ARB2A: variants seen among roughly 807,000 people sequenced by gnomAD.
ARB2A encodes the protein ARB2 cotranscriptional regulator A.
At chr5:93,756,706 A>C in the ARB2A span, among the ~76,000 whole-genome samples, 225 of 147,510 alleles carry the variant, frequency 1.5e-3, 1 homozygote, top group Middle Eastern at 0.014. Context: ...ACTGTGGGAC[A>C]AAAGAATCTA....
chr5:93,816,360 C>T, the ARB2A span, among the ~76,000 whole-genome samples: 1 of 152,120 alleles, frequency 6.6e-6, no homozygotes, highest in Non-Finnish European at 1.5e-5. Context: ...CAGTAAAATA[C>T]AAAATCTATC....
the ARB2A span, among the ~76,000 whole-genome samples, chr5:93,813,824 T>A: frequency 6.6e-6 from 1 of 152,168 alleles, no homozygotes; most frequent in South Asian, 2.1e-4. Flanking sequence ...AGATAATGAA[T>A]AAATACTTAA....
At chr5:93,947,513 TATTATTA>T in the ARB2A span, among the ~76,000 whole-genome samples, 1 of 150,668 alleles carries the variant, frequency 6.6e-6, no homozygotes. Flanking sequence ...ATCTTCTTTT[TATTATTA>T]TTATTATTAT....
the ARB2A span, among the ~76,000 whole-genome samples, chr5:94,067,514 A>G: frequency 6.6e-6 from 1 of 152,214 alleles, no homozygotes; most frequent in Non-Finnish European, 1.5e-5. Flanking sequence ...TAGAAAAATC[A>G]TTAGTGTTTC....
the ARB2A span, among the ~76,000 whole-genome samples, chr5:93,773,249 G>A: frequency 6.6e-6 from 1 of 152,150 alleles, no homozygotes; most frequent in Admixed American, 6.5e-5. Context: ...TGGAAGTTGA[G>A]ACTGCAATGT....
the ARB2A span, among the ~76,000 whole-genome samples, chr5:93,901,500 A>G: frequency 6.6e-6 from 1 of 152,176 alleles, no homozygotes; most frequent in East Asian, 1.9e-4. Context: ...TGTTATGCCA[A>G]TTATACCATA....
the ARB2A span, among the ~76,000 whole-genome samples, chr5:93,952,925 A>G: frequency 6.6e-6 from 1 of 152,158 alleles, no homozygotes; most frequent in Non-Finnish European, 1.5e-5. Flanking sequence ...TGATCAATTC[A>G]GCTATTAAAA....
chr5:94,074,628 A>T, the ARB2A span: 5 of 1,588,560 alleles, frequency 3.1e-6, no homozygotes, highest in Admixed American at 9.2e-5. Flanking sequence ...TTCCTGAAAA[A>T]GCAAATTAAG....
chr5:93,688,940 C>G, the ARB2A span, among the ~76,000 whole-genome samples: 1 of 152,184 alleles, frequency 6.6e-6, no homozygotes, highest in African/African-American at 2.4e-5. Context: ...TCCTGTAACT[C>G]TCTTAATCCA....
the ARB2A span, chr5:93,866,264 C>G: frequency 1.0e-6 from 1 of 984,136 alleles, no homozygotes; most frequent in Non-Finnish European, 1.2e-6. Flanking sequence ...GAATGAAGTA[C>G]CGTTAATGTC....
the ARB2A span, among the ~76,000 whole-genome samples, chr5:94,096,939 A>C: frequency 7.9e-5 from 12 of 152,170 alleles, no homozygotes; most frequent in Non-Finnish European, 1.5e-5. Flanking sequence ...TACTCTCACC[A>C]TGGACCTCCA....
the ARB2A span, among the ~76,000 whole-genome samples, chr5:93,992,457 T>G: frequency 6.6e-6 from 1 of 152,030 alleles, no homozygotes; most frequent in East Asian, 1.9e-4. Context: ...CAAAGAAGTA[T>G]AGCTCATAAG....
the ARB2A span, among the ~76,000 whole-genome samples, chr5:93,930,059 T>A: frequency 6.6e-6 from 1 of 152,098 alleles, no homozygotes; most frequent in Admixed American, 6.6e-5. Context: ...AATTCAGAGG[T>A]CTAGAAACAT....
chr5:93,883,601 C>CA, the ARB2A span, among the ~76,000 whole-genome samples: 1 of 151,528 alleles, frequency 6.6e-6, no homozygotes, highest in Non-Finnish European at 1.5e-5. Flanking sequence ...ATTAAAATCA[C>CA]ATTTGAAGGA....
the ARB2A span, among the ~76,000 whole-genome samples, chr5:94,099,362 T>C: frequency 1.1e-3 from 162 of 150,854 alleles, 1 homozygote; most frequent in African/African-American, 3.8e-3. Flanking sequence ...CGGTGGCTCA[T>C]GCCTGTAATC....
chr5:93,903,316 C>T, the ARB2A span, among the ~76,000 whole-genome samples: 5 of 152,084 alleles, frequency 3.3e-5, no homozygotes, highest in East Asian at 5.8e-4. Context: ...AGCTTTTCTA[C>T]TAAAACTGCT....
the ARB2A span, among the ~76,000 whole-genome samples, chr5:93,628,601 A>C: frequency 4.6e-5 from 7 of 152,240 alleles, no homozygotes; most frequent in African/African-American, 1.7e-4. Flanking sequence ...GGTCTTAGCT[A>C]GATCTTCTGG....
chr5:93,696,002 A>G, the ARB2A span, among the ~76,000 whole-genome samples: 27 of 151,050 alleles, frequency 1.8e-4, no homozygotes, highest in Admixed American at 3.3e-4. Context: ...ACATGGACAC[A>G]GGGAGAGGAA....
the ARB2A span, chr5:93,740,477 ATTAATAC>A: frequency 7.7e-7 from 1 of 1,292,866 alleles, no homozygotes; most frequent in Non-Finnish European, 1.1e-6. Flanking sequence ...TGAATGAGAA[ATTAATAC>A]TAAAAGCCCT....
Sources: allele counts gnomAD v4.1 joint callset (sites outside exome capture counted in the v4.1 genomes callset), GRCh38; gene constraint gnomAD v4.1.1; transcripts MANE v1.5; gene names NCBI Gene and HGNC (gene_info 2026-07-23, HGNC 2026-07-21).